The following TSPAN10 variants were observed in gnomAD, a reference collection of about 807,000 sequenced individuals.
TSPAN10 encodes the protein tetraspanin-10.
TSPAN10 carries 11 observed loss-of-function variants against 15.0 expected under a neutral mutation model. The observed-to-expected ratio is 0.73, with a 90% CI of 0.46 to 1.21. The LOEUF (loss-of-function observed/expected upper bound fraction) is 1.21, where lower values mean the gene tolerates loss of function less well. Ranked by LOEUF, TSPAN10 falls within the 50% of genes most tolerant of loss-of-function variation. TSPAN10 has a pLI of 0.00. For synonymous variants in TSPAN10, 241 were observed against 226.2 expected (o/e 1.07, Z -0.59); for missense variants, 486 against 470.6 (o/e 1.03, Z -0.30).
chr17:81,648,270 C>A (rs2036287303), exon 3 of TSPAN10: 2 of 1,213,470 alleles, frequency 1.6e-6, no homozygotes, highest in Non-Finnish European at 2.0e-6. Flanking sequence ...GCGCCCCGCC[C>A]GCTGCCAAGC....
intron 1 of TSPAN10, among the ~76,000 whole-genome samples, chr17:81,644,644 C>T (rs77168505): frequency 0.044 from 6,685 of 152,274 alleles, 253 homozygotes; most frequent in East Asian, 0.21. Context: ...CCGGGGAGGC[C>T]GCAGACACCC....
In TSPAN10 at chr17:81,647,559, C is replaced by T. The variant is rs1235160396; in HGVS notation, c.675-342C>T. 4 of 566,496 alleles carry T rather than the reference C, an allele frequency of 7.1e-6. No individual in the cohort carries two copies. The African/African-American group carries it at 7.4e-5, about 10-fold the overall frequency. The allele number at this position is 566,496 out of a possible 1,614,324, so 35.1% of individuals were successfully genotyped here. ...CCCTCCCCTGCTCCAACTCTACCTTCTCAATGAGCTCAGCAGCCTCTGCGG... is the reference window on the plus strand; with the variant it reads ...CCCTCCCCTGCTCCAACTCTACCTTTTCAATGAGCTCAGCAGCCTCTGCGG... On this transcript the variant is annotated intron_variant, in intron 2 of 2. Transcript: ENST00000611590.
intron 1 of TSPAN10, among the ~76,000 whole-genome samples, chr17:81,642,994 A>ATT (rs1174218744): frequency 1.3e-5 from 1 of 77,212 alleles, no homozygotes; most frequent in Admixed American, 1.5e-4. Flanking sequence ...TCTACAAAAT[A>ATT]TTATATATAT....
At chr17:81,642,356 G>A (rs1275812038), upstream of TSPAN10, 2 of 1,607,706 alleles carry the variant, frequency 1.2e-6, no homozygotes, top group East Asian at 2.2e-5. Context: ...AGCCACAGAG[G>A]AGCCAGCGAA....
chr17:81,647,757 C>A, intron 2 of TSPAN10, 144 bp from the exon 4 acceptor site: 3 of 815,930 alleles, frequency 3.7e-6, no homozygotes, highest in Non-Finnish European at 5.8e-6. Context: ...CAGGTGTGTG[C>A]GAATAGGAGG....
At position 81,646,099 on chromosome 17, in the gene TSPAN10, A is replaced by G. The variant is rs149665712; in HGVS notation, c.674+470A>G. ...AGAAGCTGAGCCCACAAACTTAGAA[A>G]GTCATTTTTCTGCTGGGCACGATGG... On this transcript the variant is annotated intron_variant, in intron 2 of 2. Coordinates refer to ENST00000611590, the Ensembl canonical transcript of TSPAN10. The G allele has an allele frequency of 7.1e-4, 172 of 242,878 alleles. 2 individuals are homozygous for G. The East Asian group carries it at 0.025, about 36-fold the overall frequency. 15.0% of individuals were successfully genotyped at this position (242,878 alleles called of 1,614,324 possible).
chr17:81,647,489 A>C, intron 2 of TSPAN10: 1 of 476,924 alleles, frequency 2.1e-6, no homozygotes, highest in East Asian at 6.3e-5. Context: ...TCTTCCCAGT[A>C]AGACCTGTGG....
chr17:81,645,568 C>T lies in TSPAN10; in HGVS notation c.613C>T (p.Gln205Ter). ...CCCAGACCTGCGCTTCCTCCTCGAC[C>T]AAGTCCAGCTCGGGCTGAGGTGCTG... The change falls in exon 2 of 3, where the codon CAA becomes TAA. Residue 205 changes from glutamine to a stop codon, truncating the protein, a stop_gained. Coordinates refer to ENST00000611590, the Ensembl canonical transcript of TSPAN10. LOFTEE classifies it high-confidence loss of function. 1.9e-6 allele frequency: 3 copies of T among 1,612,304 alleles called. No individual in the cohort carries two copies. The highest frequency in any genetic ancestry group is 2.5e-6 in the Non-Finnish European group (3 of 1,179,558).
At chr17:81,647,939 G>A (rs1244393319) in exon 3 of TSPAN10, 2 of 1,608,584 alleles carry the variant, frequency 1.2e-6, no homozygotes, top group African/African-American at 2.7e-5. Context: ...CAGGCCTGCA[G>A]CCTTCCCGCC....
chr17:81,645,222 G>T lies in TSPAN10; in HGVS notation c.267G>T (p.Leu89=), dbSNP rs756750715. Residue 89 remains leucine (L), a synonymous_variant, in exon 2 of 3, where the codon CTG becomes CTT. Coordinates refer to ENST00000611590, the Ensembl canonical transcript of TSPAN10. ...TCCTCTCCAACTTCCCCTTCTCCCT[G>T]CTGGGGCTGCTGGCCCTGGCCATCG... is the stretch of plus-strand genomic sequence containing the variant. 1.9e-6 allele frequency: 3 copies of T among 1,540,542 alleles called. No homozygotes were observed. The Admixed American group carries it at 6.6e-5, about 34-fold the overall frequency.
At chr17:81,648,015 G>T (rs774564328) in exon 3 of TSPAN10, 1 of 1,608,096 alleles carries the variant, frequency 6.2e-7, no homozygotes, top group Non-Finnish European at 8.5e-7. Context: ...TCGGGGTCCT[G>T]CGCCTGGATG....
exon 2 of TSPAN10, chr17:81,645,546 A>T: frequency 6.2e-7 from 1 of 1,608,760 alleles, no homozygotes; most frequent in Non-Finnish European, 8.5e-7. Context: ...AGGACGACCC[A>T]GACCTGCGCT....
exon 3 of TSPAN10, chr17:81,648,092 C>A: frequency 6.3e-7 from 1 of 1,585,522 alleles, no homozygotes; most frequent in Non-Finnish European, 8.5e-7. Flanking sequence ...TGGCTGCGCG[C>A]GAACCTGGCT....
chr17:81,645,317 TGCTGGGGCTGGC>T, exon 2 of TSPAN10: 1 of 1,552,748 alleles, frequency 6.4e-7, no homozygotes, highest in Non-Finnish European at 8.7e-7. Flanking sequence ...GCAGACCCCA[TGCTGGGGCTGGC>T]ACTGGGAGGG....
upstream of TSPAN10, among the ~76,000 whole-genome samples, chr17:81,640,927 CTT>C (rs1163686713): frequency 6.6e-6 from 1 of 151,792 alleles, no homozygotes; most frequent in Non-Finnish European, 1.5e-5. Context: ...AATCCCAGCA[CTT>C]TGGGAGGAGG....
At chr17:81,642,811 G>A (rs935044701) in intron 1 of TSPAN10, among the ~76,000 whole-genome samples, 1 of 152,080 alleles carries the variant, frequency 6.6e-6, no homozygotes, top group Non-Finnish European at 1.5e-5. Flanking sequence ...CTGACAGCCT[G>A]TCCTTTTGCT....
At chr17:81,641,889 C>CAAAAACAAAAACAAGG (rs10699191), upstream of TSPAN10, among the ~76,000 whole-genome samples, 3 of 151,584 alleles carry the variant, frequency 2.0e-5, no homozygotes, top group East Asian at 3.9e-4. Flanking sequence ...AAAACAAAAA[C>CAAAAACAAAAACAAGG]AAGGAGGTGA....
At chr17:81,638,735 A>G (rs2036146217), upstream of TSPAN10, 1 of 152,226 alleles carries the variant, frequency 6.6e-6, no homozygotes, top group Non-Finnish European at 1.5e-5. Context: ...GGTGGGGGCC[A>G]CAAGATATGA....
At chr17:81,648,321 C>T (rs545282099), downstream of TSPAN10, 45 of 1,203,486 alleles carry the variant, frequency 3.7e-5, no homozygotes, top group Middle Eastern at 6.6e-4. Context: ...CCGAGACCGC[C>T]ACGCACAGGG....
Sources: allele counts gnomAD v4.1 joint callset (sites outside exome capture counted in the v4.1 genomes callset), GRCh38; gene constraint gnomAD v4.1.1; transcripts MANE v1.5; gene names NCBI Gene and HGNC (gene_info 2026-07-23, HGNC 2026-07-21).